ZNF136: variants seen among roughly 807,000 people sequenced by gnomAD.
The protein encoded by ZNF136 is zinc finger protein 136 (clone pHZ-20).
ZNF136 carries 8 observed loss-of-function variants against 11.4 expected under a neutral mutation model. That is an observed-to-expected ratio of 0.70 (90% confidence interval 0.41 to 1.27). The LOEUF is 1.27. ZNF136 is among the 50% of genes most tolerant of loss of function. The pLI, the probability that ZNF136 is intolerant of heterozygous loss-of-function variation, is 0.01. For synonymous variants in ZNF136, 190 were observed against 207.1 expected (o/e 0.92, Z 0.71); for missense variants, 590 against 656.5 (o/e 0.90, Z 1.11).
chr19:12,173,010 C>CA (rs983839821), intron 1 of ZNF136, among the ~76,000 whole-genome samples: 136 of 149,060 alleles, frequency 9.1e-4, no homozygotes, highest in African/African-American at 2.2e-3. Flanking sequence ...GACTCCATCT[C>CA]AAAAAAAAAC....
At position 12,188,197 on chromosome 19, in the gene ZNF136, CTCA is replaced by C. The variant is rs1234869169; in HGVS notation, c.*201_*203del. On this transcript the variant is annotated 3_prime_UTR_variant, in exon 4 of 4. Coordinates refer to ENST00000343979, the MANE Select transcript of ZNF136 (RefSeq NM_003437.5). ...AGTTCCTTTCAAATACATGAAAGAA[CTCA>C]TCATGGAGAAAACCAAACAAATGCT... 4.5e-6 allele frequency: 2 copies of C among 443,584 alleles called. No homozygotes were observed. The highest frequency in any genetic ancestry group is 7.7e-6 in the Non-Finnish European group (2 of 259,504). 27.5% of individuals were successfully genotyped at this position (443,584 alleles called of 1,614,324 possible).
chr19:12,172,727 C>T (rs1194702218), intron 1 of ZNF136, among the ~76,000 whole-genome samples: 1 of 151,942 alleles, frequency 6.6e-6, no homozygotes, highest in African/African-American at 2.4e-5. Flanking sequence ...CTTATAAATC[C>T]CAGAGGCCGG....
chr19:12,182,670 GA>G (rs1914974404), intron 1 of ZNF136, among the ~76,000 whole-genome samples: 1 of 152,226 alleles, frequency 6.6e-6, no homozygotes, highest in Non-Finnish European at 1.5e-5. Context: ...CTTGAAGGGA[GA>G]AAAATGATCC....
In ZNF136 at chr19:12,188,149, A is replaced by G; in HGVS notation, c.*148A>G. The G allele has an allele frequency of 3.6e-6, 2 of 553,222 alleles. No homozygotes were observed. Among genetic ancestry groups the G allele is most frequent in the African/African-American group, 1.9e-5 (1 of 51,902 alleles). The allele number at this position is 553,222 out of a possible 1,614,324, so 34.3% of individuals were successfully genotyped here. ...GAGAAGCCATATACATGTAAGTAAC[A>G]TGGGAAAGCTTTCAATCATTTTAGT... is the stretch of plus-strand genomic sequence containing the variant. On this transcript the variant is annotated 3_prime_UTR_variant, in exon 4 of 4. Transcript: ENST00000343979.
chr19:12,182,126 AT>A (rs1294146773), intron 1 of ZNF136, among the ~76,000 whole-genome samples: 10 of 152,100 alleles, frequency 6.6e-5, no homozygotes, highest in African/African-American at 2.4e-4. Context: ...TAAGTTTATC[AT>A]TTTTGCAGAA....
chr19:12,187,391 G>A lies in ZNF136; in HGVS notation c.1013G>A (p.Cys338Tyr). 6.2e-7 allele frequency: 1 copy of A among 1,614,072 alleles called. No homozygotes were observed. Among genetic ancestry groups the A allele is most frequent in the Non-Finnish European group, 8.5e-7 (1 of 1,179,988 alleles). ...CACACTGGTGAGAAACCCTTCGTAT[G>A]TAAACAATGTGGTAAAGCCTTTAGA... ...RIHTGEKPFV[C>Y]KQCGKAFRSA... Residue 338 changes from cysteine (C) to tyrosine (Y), a missense_variant, in exon 4 of 4, where the codon TGT becomes TAT. Coordinates refer to ENST00000343979, the MANE Select transcript of ZNF136 (RefSeq NM_003437.5).
intron 1 of ZNF136, among the ~76,000 whole-genome samples, chr19:12,178,052 A>G (rs921316723): frequency 1.3e-5 from 2 of 152,198 alleles, no homozygotes; most frequent in Admixed American, 1.3e-4. Flanking sequence ...GGTTGCAGTG[A>G]GCCAAGATTG....
intron 1 of ZNF136, among the ~76,000 whole-genome samples, chr19:12,165,851 AT>A (rs1242098374): frequency 6.6e-6 from 1 of 152,210 alleles, no homozygotes; most frequent in Admixed American, 6.5e-5. Flanking sequence ...CTTCATACTC[AT>A]ATTCTGCACC....
At chr19:12,176,170 T>G (rs1461976264) in intron 1 of ZNF136, among the ~76,000 whole-genome samples, 1 of 152,110 alleles carries the variant, frequency 6.6e-6, no homozygotes, top group African/African-American at 2.4e-5. Context: ...AATTTTCAGC[T>G]CATTTGGATA....
intron 1 of ZNF136, among the ~76,000 whole-genome samples, chr19:12,177,530 G>A (rs150156052): frequency 0.018 from 2,772 of 152,200 alleles, 93 homozygotes; most frequent in African/African-American, 0.063. Flanking sequence ...TGTGTTTTTA[G>A]TGGAGATGGG....
chr19:12,166,305 A>C (rs1033158576), intron 1 of ZNF136, among the ~76,000 whole-genome samples: 2 of 152,108 alleles, frequency 1.3e-5, no homozygotes, highest in African/African-American at 4.8e-5. Context: ...GATCATGTGT[A>C]GTATATGTGT....
intron 1 of ZNF136, among the ~76,000 whole-genome samples, chr19:12,163,519 A>T (rs2145623170): frequency 6.6e-6 from 1 of 152,278 alleles, no homozygotes; most frequent in South Asian, 2.1e-4. Flanking sequence ...GCGTGGAAGG[A>T]GCTGTGGTGT....
intron 1 of ZNF136, among the ~76,000 whole-genome samples, chr19:12,164,187 T>A (rs577802889): frequency 5.3e-5 from 8 of 152,240 alleles, no homozygotes; most frequent in African/African-American, 1.9e-4. Flanking sequence ...GGCACTCAGC[T>A]TTTCCTCCCC....
chr19:12,177,035 C>T (rs1347990695), intron 1 of ZNF136, among the ~76,000 whole-genome samples: 2 of 152,148 alleles, frequency 1.3e-5, no homozygotes, highest in Non-Finnish European at 2.9e-5. Flanking sequence ...CTGGTAGCAT[C>T]TTTTAGCATG....
intron 1 of ZNF136, chr19:12,185,422 T>G (rs1915055433): frequency 6.2e-6 from 1 of 161,974 alleles, no homozygotes. Flanking sequence ...GAGGAGCCTT[T>G]TTTTAAGGGT....
intron 1 of ZNF136, among the ~76,000 whole-genome samples, chr19:12,163,482 C>CA (rs1312142952): frequency 1.3e-5 from 2 of 152,252 alleles, no homozygotes; most frequent in Non-Finnish European, 2.9e-5. Context: ...ACGCGAGGGT[C>CA]ATGGGGTGGG....
In ZNF136 at chr19:12,187,428, C is replaced by T; in HGVS notation, c.1050C>T (p.Thr350=). The change falls in exon 4 of 4, where the codon ACC becomes ACT. Residue 350 remains threonine, a synonymous_variant. Transcript: ENST00000343979. ...GTAAAGCCTTTAGATCTGCCAGTAC[C>T]TTTCAAATACATGAAAGGACTCACA... ...QCGKAFRSAS[T]FQIHERTHTG... 10 of 1,613,392 alleles carry T rather than the reference C, an allele frequency of 6.2e-6. No individual in the cohort carries two copies. The highest frequency in any genetic ancestry group is 7.6e-6 in the Non-Finnish European group (9 of 1,179,830).
intron 1 of ZNF136, among the ~76,000 whole-genome samples, chr19:12,173,024 A>C (rs946230059): frequency 2.0e-5 from 3 of 152,116 alleles, no homozygotes; most frequent in African/African-American, 4.8e-5. Flanking sequence ...AAAAAACAAA[A>C]AAATTCCCGG....
chr19:12,164,780 A>G (rs1977162762), intron 1 of ZNF136: 1 of 152,188 alleles, frequency 6.6e-6, no homozygotes, highest in East Asian at 1.9e-4. Flanking sequence ...GTCCTTTTAA[A>G]TGAACGGGCA....
Sources: gnomAD v4.1 joint callset for allele counts (sites outside exome capture counted in the v4.1 genomes callset) on GRCh38, gnomAD v4.1.1 for gene constraint, MANE v1.5 for transcripts, NCBI Gene and HGNC (gene_info 2026-07-23, HGNC 2026-07-21) for gene names.